ENDOV: variants seen among roughly 807,000 people sequenced by gnomAD.
ENDOV encodes the protein hEndoV.
In ENDOV, 37 loss-of-function variants were observed where a neutral mutation model predicts 39.4. The observed-to-expected ratio is 0.94, with a 90% CI of 0.72 to 1.23. ENDOV has a LOEUF of 1.23. Ranked by LOEUF, ENDOV falls within the 50% of genes most tolerant of loss-of-function variation. The pLI, the probability that ENDOV is intolerant of heterozygous loss-of-function variation, is 0.00. For missense variants in ENDOV, 441 were observed against 375.7 expected, an observed-to-expected ratio of 1.17 and a Z score of -1.44; for synonymous variants, 186 against 163.4, an observed-to-expected ratio of 1.14 and a Z score of -1.05.
At chr17:80,419,015 C>G (rs112739478) in intron 2 of ENDOV, among the ~76,000 whole-genome samples, 1 of 151,404 alleles carries the variant, frequency 6.6e-6, no homozygotes, top group African/African-American at 2.4e-5. Context: ...ACTAAAAATA[C>G]AAAAAAAATC....
intron 9 of ENDOV, among the ~76,000 whole-genome samples, chr17:80,431,569 C>T (rs1018385160): frequency 9.2e-5 from 14 of 152,334 alleles, no homozygotes; most frequent in Middle Eastern, 3.4e-3. Flanking sequence ...CAACGCTGGC[C>T]GGAACCAGAT....
At chr17:80,416,020 C>T in intron 2 of ENDOV, 199 bp downstream of exon 2, 2 of 579,474 alleles carry the variant, frequency 3.5e-6, no homozygotes, top group Non-Finnish European at 5.7e-6. Flanking sequence ...GGGGAATCAC[C>T]TGAGGTCGGG....
At chr17:80,429,075 C>T (rs931099041) in intron 8 of ENDOV, among the ~76,000 whole-genome samples, 2 of 152,240 alleles carry the variant, frequency 1.3e-5, no homozygotes, top group Non-Finnish European at 2.9e-5. Flanking sequence ...CTTCGAGCCT[C>T]AGCTTCCTCA....
intron 9 of ENDOV, among the ~76,000 whole-genome samples, chr17:80,432,977 T>C (rs2083418828): frequency 6.6e-6 from 1 of 152,120 alleles, no homozygotes; most frequent in Admixed American, 6.5e-5. Flanking sequence ...GGATGCCATG[T>C]GTGTGCCCCA....
At chr17:80,425,260 G>A (rs1449468427) in intron 6 of ENDOV, among the ~76,000 whole-genome samples, 160 bp downstream of exon 6, 1 of 152,136 alleles carries the variant, frequency 6.6e-6, no homozygotes, top group Non-Finnish European at 1.5e-5. Flanking sequence ...AGTCCAGGGT[G>A]TGATGTTTGT....
intron 2 of ENDOV, 130 bp from the exon 3 acceptor site, chr17:80,421,698 G>T: frequency 8.2e-7 from 1 of 1,222,970 alleles, no homozygotes; most frequent in Non-Finnish European, 1.1e-6. Context: ...CATAGGTGAG[G>T]CAGGGAAGGG....
chr17:80,415,327 C>T (rs2080937238), intron 1 of ENDOV, 77 bp downstream of exon 1: 29 of 1,535,498 alleles, frequency 1.9e-5, no homozygotes, highest in Middle Eastern at 2.1e-4. Flanking sequence ...AGCTCATAGT[C>T]TTCAGGCTGT....
Position 80,435,175 on chromosome 17 carries a change from C to T in ENDOV, c.839-958C>T, listed in dbSNP as rs2083529350. Among the ~76,000 whole-genome samples the T allele has an allele frequency of 3.3e-5, 5 of 152,058 alleles. No homozygotes were observed. In the South Asian group the frequency reaches 1.0e-3, roughly 32 times the overall value. On this transcript the variant is annotated intron_variant, in intron 9 of 9. Transcript: ENST00000518137. Reference sequence around the variant, plus strand: ...TTCTTTAGTTTACAAATATTTTTTCCTGTGGGTTGTCATTATTTTCTTGTT... The same window carrying T: ...TTCTTTAGTTTACAAATATTTTTTCTTGTGGGTTGTCATTATTTTCTTGTT...
intron 1 of ENDOV, 166 bp from the exon 2 acceptor site, chr17:80,415,484 C>T (rs1366781965): frequency 1.5e-5 from 16 of 1,083,256 alleles, no homozygotes; most frequent in Non-Finnish European, 2.1e-5. Context: ...CGCGGGTCTC[C>T]GCCGCCTGGG....
chr17:80,427,470 T>C (rs2082847058), intron 7 of ENDOV: 1 of 985,424 alleles, frequency 1.0e-6, no homozygotes, highest in African/African-American at 1.7e-5. Context: ...GATCTGTGCC[T>C]AGCACCAGCA....
rs2145091196 is a variant in ENDOV at position 80,428,672 on chromosome 17, G to A, written c.779+12G>A. 1.9e-6 allele frequency: 3 copies of A among 1,569,160 alleles called. No individual in the cohort carries two copies. Among genetic ancestry groups the A allele is most frequent in the Non-Finnish European group, 2.6e-6 (3 of 1,157,390 alleles). On this transcript the variant is annotated intron_variant, in intron 8 of 9. Transcript: ENST00000518137. ...CCACCCACACCGAGGTGAGCACCCA[G>A]GGAGGCTGGGGCACTAAAGGGGCAT...
Position 80,425,498 on chromosome 17 carries a change from AG to A in ENDOV, c.594del (p.Ser199AlafsTer17). On this transcript the variant is annotated frameshift_variant, in exon 7 of 10. Coordinates refer to ENST00000518137, the MANE Select transcript of ENDOV (RefSeq NM_173627.5). LOFTEE classifies it high-confidence loss of function. ...CTCGCCTTCCTTGTCACAGGCCCTG[AG>A]GAGCCACGACCGCAGCACCAGGCCC... ...DSGTVLGMAL[R>X]SHDRSTRPLY... The A allele has an allele frequency of 6.3e-7, 1 of 1,597,006 alleles. No individual in the cohort carries two copies. Among genetic ancestry groups the A allele is most frequent in the Non-Finnish European group, 8.5e-7 (1 of 1,175,892 alleles).
chr17:80,423,037 C>T (rs527664617), intron 4 of ENDOV, among the ~76,000 whole-genome samples: 78 of 152,326 alleles, frequency 5.1e-4, no homozygotes, highest in Non-Finnish European at 8.4e-4. Context: ...TACAGAGCTG[C>T]GGGCGGCGCA....
rs994570017 is a variant in ENDOV, at chr17:80,436,810, G to GAA, written c.*668_*669dup. Reference sequence around the variant, plus strand: ...AATGTTCTCTCCTCCGTTTTTTTTGGAAGAGAGAGATTGGTGTTAATTCTT... The same window carrying GAA: ...AATGTTCTCTCCTCCGTTTTTTTTGGAAAAGAGAGAGATTGGTGTTAATTCTT... On this transcript the variant is annotated 3_prime_UTR_variant, in exon 10 of 10. Transcript: ENST00000518137. The GAA allele has an allele frequency of 3.9e-5, 6 of 154,056 alleles. No individual in the cohort carries two copies. The highest frequency in any genetic ancestry group is 1.4e-4 in the African/African-American group (6 of 41,398). 9.5% of individuals were successfully genotyped at this position (154,056 alleles called of 1,614,324 possible).
At chr17:80,431,160 C>T (rs1369425921) in intron 9 of ENDOV, among the ~76,000 whole-genome samples, 2 of 152,300 alleles carry the variant, frequency 1.3e-5, no homozygotes, top group South Asian at 2.1e-4. Context: ...CCAGGGAGGC[C>T]GGGTCTCTGG....
At chr17:80,423,995 C>G (rs6565687) in intron 5 of ENDOV, 9,482 of 357,640 alleles carry the variant, frequency 0.027, 870 homozygotes, top group African/African-American at 0.19. Flanking sequence ...GCCCCAGCCC[C>G]TGTCTCCTCC....
intron 9 of ENDOV, among the ~76,000 whole-genome samples, chr17:80,432,543 AG>A (rs2083393017): frequency 6.6e-6 from 1 of 152,094 alleles, no homozygotes; most frequent in African/African-American, 2.4e-5. Flanking sequence ...CATGCCGTCC[AG>A]GTTGGGGGAC....
chr17:80,423,005 G>A (rs2082251133), intron 4 of ENDOV, among the ~76,000 whole-genome samples: 1 of 151,870 alleles, frequency 6.6e-6, no homozygotes, highest in South Asian at 2.1e-4. Context: ...GGCCTAGGGA[G>A]ATGGGCTCTT....
chr17:80,422,613 G>C (rs1166175820), intron 4 of ENDOV, among the ~76,000 whole-genome samples: 1 of 152,244 alleles, frequency 6.6e-6, no homozygotes, highest in African/African-American at 2.4e-5. Context: ...TGCATGGCCC[G>C]TCAGGCCCCT....
Sources: gnomAD v4.1 joint callset for allele counts (sites outside exome capture counted in the v4.1 genomes callset) on GRCh38, gnomAD v4.1.1 for gene constraint, MANE v1.5 for transcripts, NCBI Gene and HGNC (gene_info 2026-07-23, HGNC 2026-07-21) for gene names.